The following PRSS12 variants were observed in gnomAD, a reference collection of about 807,000 sequenced individuals.
PRSS12 encodes neurotrypsin.
Under a neutral mutation model 104.4 loss-of-function variants are expected in PRSS12, and 85 were observed. That is an observed-to-expected ratio of 0.81 (90% CI 0.68 to 0.98). The LOEUF (loss-of-function observed/expected upper bound fraction) is 0.98, where lower values mean the gene tolerates loss of function less well. Among genes scored for constraint, PRSS12 ranks in the 50% least tolerant of loss-of-function variants. The pLI is 0.00. For missense variants in PRSS12, 1,141 were observed against 1,139.2 expected, an observed-to-expected ratio of 1.00 and a Z score of -0.02; for synonymous variants, 454 against 425.2, an observed-to-expected ratio of 1.07 and a Z score of -0.83.
At position 118,316,837 on chromosome 4, in the gene PRSS12, A is replaced by AAAAAAAATATATAT. The variant is rs35698159; in HGVS notation, c.1151-515_1151-514insATATATATTTTTTT. 7.4e-3 allele frequency among the ~76,000 whole-genome samples: 734 copies of AAAAAAAATATATAT among 98,976 alleles called. 17 individuals are homozygous for AAAAAAAATATATAT. The highest frequency in any genetic ancestry group is 0.017 in the African/African-American group (500 of 28,782). 64.9% of individuals were successfully genotyped at this position (98,976 alleles called of 152,430 possible). A position where few individuals can be genotyped will look rare whatever the true frequency, so the allele number is the denominator to read the frequency against. On this transcript the variant is annotated intron_variant, in intron 5 of 12. Coordinates refer to ENST00000296498, the MANE Select transcript of PRSS12 (RefSeq NM_003619.4). ...ACTCCGTCTCACGGAAAAAAAAAAA[A>AAAAAAAATATATAT]ATATATATATATATATATATCTTTC...
At position 118,316,179 on chromosome 4, in the gene PRSS12, T is replaced by G; in HGVS notation, c.1292+3A>C. ...AACTGCCTTTATAATTAATGAACCTTACTTAAATCCCAATTGTCGACAAAC... is the reference window on the plus strand; with the variant it reads ...AACTGCCTTTATAATTAATGAACCTGACTTAAATCCCAATTGTCGACAAAC... On this transcript the variant is annotated splice_donor_region_variant and intron_variant, in intron 6 of 12. Transcript: ENST00000296498. The G allele has an allele frequency of 6.2e-7, 1 of 1,613,988 alleles. No homozygotes were observed. The highest frequency in any genetic ancestry group is 1.1e-5 in the South Asian group (1 of 91,066).
rs788668 is a variant in PRSS12, at chr4:118,298,529, T to A, written c.1837+204A>T. 1.7e-3 allele frequency among the ~76,000 whole-genome samples: 266 copies of A among 152,156 alleles called. No homozygotes were observed. Among genetic ancestry groups the A allele is most frequent in the Non-Finnish European group, 2.9e-3 (194 of 68,024 alleles). ...CCAGAGATTACAAGGCCCCGTAAAT[T>A]CATTCCTACCCCTGAACCTTGTTCT... On this transcript the variant is annotated intron_variant, in intron 9 of 12. Coordinates refer to ENST00000296498, the MANE Select transcript of PRSS12 (RefSeq NM_003619.4).
At chr4:118,314,751 CTG>C (rs1743860969) in intron 6 of PRSS12, among the ~76,000 whole-genome samples, 1 of 151,874 alleles carries the variant, frequency 6.6e-6, no homozygotes, top group African/African-American at 2.4e-5. Flanking sequence ...TGTGAATACT[CTG>C]TGCATAGATT....
At chr4:118,319,027 T>C (rs1211157002) in intron 4 of PRSS12, among the ~76,000 whole-genome samples, 2 of 152,280 alleles carry the variant, frequency 1.3e-5, no homozygotes, top group Admixed American at 6.5e-5. Context: ...CCAAATAAAA[T>C]TGTGCTCCTA....
At position 118,282,263 on chromosome 4, in the gene PRSS12, G is replaced by C; in HGVS notation, c.2321-20C>G. The C allele has an allele frequency of 1.2e-6, 2 of 1,613,918 alleles. No individual in the cohort carries two copies. The highest frequency in any genetic ancestry group is 2.2e-5 in the South Asian group (2 of 90,926). On this transcript the variant is annotated intron_variant, in intron 12 of 12. Coordinates refer to ENST00000296498, the MANE Select transcript of PRSS12 (RefSeq NM_003619.4). ...CTCGTCCTACTCAGACCAAACATCT[G>C]ATTAGTGGCATTCCAGATAACCATC... is the stretch of plus-strand genomic sequence containing the variant.
In PRSS12 at chr4:118,288,772, C is replaced by T. The variant is rs76694788; in HGVS notation, c.2040-5661G>A. Among the ~76,000 whole-genome samples, 631 of 152,180 alleles carry T rather than the reference C, an allele frequency of 4.1e-3. 24 individuals are homozygous for T. The East Asian group carries it at 0.084, about 20-fold the overall frequency. On this transcript the variant is annotated intron_variant, in intron 11 of 12. Transcript: ENST00000296498. ...TGTAGTTACAATCTAGAATAGAAAG[C>T]AAAAATTAGCAATTTATATTATGTA...
chr4:118,337,489 A>G (rs1274488821), intron 2 of PRSS12, among the ~76,000 whole-genome samples: 7 of 152,212 alleles, frequency 4.6e-5, no homozygotes, highest in Non-Finnish European at 1.5e-5. Flanking sequence ...AATTCAAAAT[A>G]CACTGACTTG....
At position 118,282,214 on chromosome 4, in the gene PRSS12, CTTG is replaced by C. The variant is rs1260648705; in HGVS notation, c.2347_2349del (p.Gln783del). Reference sequence around the variant, plus strand: ...CTTTTAGGAAGTAAGGGAATGGCTGCTTGTTGTAGTGTTCTTGAATAGGCTCGT... The same window carrying C: ...CTTTTAGGAAGTAAGGGAATGGCTGCTTGTAGTGTTCTTGAATAGGCTCGT... On this transcript the variant is annotated inframe_deletion, in exon 13 of 13. Transcript: ENST00000296498. 1.1e-5 allele frequency: 18 copies of C among 1,614,102 alleles called. No individual in the cohort carries two copies. The highest frequency in any genetic ancestry group is 1.7e-5 in the Admixed American group (1 of 60,002).
At chr4:118,330,025 T>C (rs2126039895) in intron 4 of PRSS12, among the ~76,000 whole-genome samples, 1 of 152,318 alleles carries the variant, frequency 6.6e-6, no homozygotes, top group South Asian at 2.1e-4. Flanking sequence ...GCCATATTCC[T>C]AACCAACCCA....
In PRSS12 at chr4:118,295,794, C is replaced by A; in HGVS notation, c.1900G>T (p.Gly634Trp). ...LHRRQKRIIGGKNSLRGGWPW... is the reference protein window; with the variant it reads ...LHRRQKRIIGWKNSLRGGWPW... ...AACATTTACCTTAAAGAATTTTTCCCACCAATGATCCGCTTCTGCCGACGG... is the reference window on the plus strand; with the variant it reads ...AACATTTACCTTAAAGAATTTTTCCAACCAATGATCCGCTTCTGCCGACGG... The change falls in exon 10 of 13, where the codon GGG (glycine) becomes TGG (tryptophan). Residue 634 changes from glycine to tryptophan, a missense_variant. Transcript: ENST00000296498. The A allele has an allele frequency of 6.2e-7, 1 of 1,613,866 alleles. No individual in the cohort carries two copies. Among genetic ancestry groups the A allele is most frequent in the Non-Finnish European group, 8.5e-7 (1 of 1,179,816 alleles).
At chr4:118,323,056 C>T (rs1164450243) in intron 4 of PRSS12, among the ~76,000 whole-genome samples, 1 of 152,060 alleles carries the variant, frequency 6.6e-6, no homozygotes, top group Non-Finnish European at 1.5e-5. Flanking sequence ...TTTCATGCTA[C>T]AATGGCCCAG....
chr4:118,346,329 C>G (rs973476790), intron 1 of PRSS12, among the ~76,000 whole-genome samples: 2 of 152,054 alleles, frequency 1.3e-5, no homozygotes, highest in Non-Finnish European at 1.5e-5. Flanking sequence ...CACATCCACA[C>G]CCAAATTCAT....
In PRSS12 at chr4:118,282,044, C is replaced by T. The variant is rs754527511; in HGVS notation, c.2520G>A (p.Val840=). ...CATACCCCCAGGAGGTCACCCCATA[C>T]ACCACCCAGCTCTCTCCGGGCCGTT... ...MCERPGESWV[V]YGVTSWGYGC... The change falls in exon 13 of 13, where the codon GTG becomes GTA. Residue 840 remains valine (V), a synonymous_variant. Transcript: ENST00000296498. The T allele has an allele frequency of 1.2e-6, 2 of 1,614,198 alleles. No homozygotes were observed. Among genetic ancestry groups the T allele is most frequent in the Non-Finnish European group, 8.5e-7 (1 of 1,180,028 alleles).
At chr4:118,300,128 A>G (rs1743370703) in intron 8 of PRSS12, among the ~76,000 whole-genome samples, 1 of 151,728 alleles carries the variant, frequency 6.6e-6, no homozygotes, top group South Asian at 2.1e-4. Flanking sequence ...CTCTCACCTC[A>G]TCCCCCCAAG....
At chr4:118,345,825 A>G (rs1724341114) in intron 1 of PRSS12, among the ~76,000 whole-genome samples, 1 of 152,220 alleles carries the variant, frequency 6.6e-6, no homozygotes, top group Non-Finnish European at 1.5e-5. Flanking sequence ...AAATATAAGG[A>G]CAAGTCCCAA....
At chr4:118,314,529 C>G (rs1743851192) in intron 6 of PRSS12, among the ~76,000 whole-genome samples, 1 of 152,030 alleles carries the variant, frequency 6.6e-6, no homozygotes, top group Admixed American at 6.6e-5. Flanking sequence ...CTGTCCATAG[C>G]AACTACACAA....
intron 8 of PRSS12, among the ~76,000 whole-genome samples, chr4:118,301,815 T>A (rs1439300983): frequency 4.6e-5 from 7 of 152,178 alleles, no homozygotes; most frequent in Non-Finnish European, 7.4e-5. Flanking sequence ...TCTTGTTACA[T>A]TAATAAACAC....
At position 118,282,126 on chromosome 4, in the gene PRSS12, TGGAGGTTTCCAGCAC is replaced by T; in HGVS notation, c.2423_2437del (p.Cys808_His813delinsTyr). On this transcript the variant is annotated inframe_deletion, in exon 13 of 13. Transcript: ENST00000296498. ...GCAGCTGTCCACGCGTTTGTGTTCA[TGGAGGTTTCCAGCAC>T]AAAGCATTCTCCCTGTAAACCGACC... The T allele has an allele frequency of 4.3e-6, 7 of 1,614,210 alleles. No individual in the cohort carries two copies. The highest frequency in any genetic ancestry group is 5.9e-6 in the Non-Finnish European group (7 of 1,180,036).
chr4:118,306,089 A>T (rs1187666808), intron 8 of PRSS12: 1 of 152,176 alleles, frequency 6.6e-6, no homozygotes, highest in Non-Finnish European at 1.5e-5. Context: ...GGATATCTAG[A>T]TCATATGGTA....
Sources: allele counts gnomAD v4.1 joint callset (sites outside exome capture counted in the v4.1 genomes callset), GRCh38; gene constraint gnomAD v4.1.1; transcripts MANE v1.5; gene names NCBI Gene and HGNC (gene_info 2026-07-23, HGNC 2026-07-21).